Variants in CDK5RAP2 observed in about 807,000 individuals in gnomAD.
CDK5RAP2 encodes the protein CDK5 regulatory subunit-associated protein 2.
In CDK5RAP2, 147 loss-of-function variants were observed where a neutral mutation model predicts 232.9. The observed-to-expected ratio is 0.63, with a 90% CI of 0.55 to 0.72. CDK5RAP2 has a LOEUF of 0.72. Among genes scored for constraint, CDK5RAP2 ranks in the 30% least tolerant of loss-of-function variants. The pLI, the probability that CDK5RAP2 is intolerant of heterozygous loss-of-function variation, is 0.00. For missense variants in CDK5RAP2, 2,195 were observed against 2,231.5 expected (o/e 0.98, Z 0.33); for synonymous variants, 833 against 833.7 (o/e 1.00, Z 0.01).
intron 36 of CDK5RAP2, among the ~76,000 whole-genome samples, chr9:120,392,464 C>T (rs1399653904): frequency 6.6e-6 from 1 of 152,198 alleles, no homozygotes; most frequent in Non-Finnish European, 1.5e-5. Flanking sequence ...CAGTACTCAA[C>T]CCATCGAAAC....
chr9:120,487,204 G>A, intron 14 of CDK5RAP2, 90 bp downstream of exon 14: 1 of 1,405,698 alleles, frequency 7.1e-7, no homozygotes, highest in Non-Finnish European at 1.0e-6. Flanking sequence ...AGGCATTTGA[G>A]GATCTCTAGA....
chr9:120,430,617 T>G (rs140129089), intron 25 of CDK5RAP2, among the ~76,000 whole-genome samples: 97 of 147,258 alleles, frequency 6.6e-4, no homozygotes, highest in South Asian at 2.0e-3. Context: ...AAACAACAGG[T>G]GCTAGAGAGG....
At chr9:120,414,916 C>CT in intron 28 of CDK5RAP2, 124 bp downstream of exon 28, 1 of 1,201,912 alleles carries the variant, frequency 8.3e-7, no homozygotes, top group South Asian at 1.3e-5. Flanking sequence ...TGGCAGACTT[C>CT]TCCAAGATGG....
intron 15 of CDK5RAP2, among the ~76,000 whole-genome samples, chr9:120,475,072 C>A (rs1328367483): frequency 6.6e-6 from 1 of 152,212 alleles, no homozygotes; most frequent in Non-Finnish European, 1.5e-5. Context: ...AGTATTAGGT[C>A]TTTACACAGT....
intron 12 of CDK5RAP2, among the ~76,000 whole-genome samples, chr9:120,503,728 G>A (rs1019462228): frequency 6.6e-6 from 1 of 152,016 alleles, no homozygotes; most frequent in Non-Finnish European, 1.5e-5. Flanking sequence ...TGCACAATGG[G>A]AGCCCAGCAC....
rs116824113 is a variant in CDK5RAP2, at chr9:120,443,411, C to T, written c.3148+209G>A. Among the ~76,000 whole-genome samples the T allele has an allele frequency of 0.01, 1,595 of 152,312 alleles. 25 individuals carry two copies. Among genetic ancestry groups the T allele is most frequent in the African/African-American group, 0.036 (1,491 of 41,558 alleles). ...ACATGGACGGGTGGGTTCTGACATC[C>T]TACTGTACCTTGACTCTTCTCCTAC... On this transcript the variant is annotated intron_variant, in intron 23 of 37. Coordinates refer to ENST00000349780, the MANE Select transcript of CDK5RAP2 (RefSeq NM_018249.6).
chr9:120,396,061 G>A (rs2032438249), intron 35 of CDK5RAP2, among the ~76,000 whole-genome samples: 1 of 152,222 alleles, frequency 6.6e-6, no homozygotes, highest in African/African-American at 2.4e-5. Flanking sequence ...AAAGGCCCTG[G>A]CCCTACATCA....
intron 4 of CDK5RAP2, among the ~76,000 whole-genome samples, chr9:120,549,596 GAAGATA>G (rs2041976773): frequency 6.6e-6 from 1 of 152,164 alleles, no homozygotes; most frequent in Non-Finnish European, 1.5e-5. Context: ...CCTGTAAGAT[GAAGATA>G]AACTCCACGG....
At chr9:120,424,044 A>G (rs1337613320) in intron 25 of CDK5RAP2, among the ~76,000 whole-genome samples, 1 of 152,204 alleles carries the variant, frequency 6.6e-6, no homozygotes, top group African/African-American at 2.4e-5. Flanking sequence ...GTGACCAGGC[A>G]CCAGGGCCTG....
At chr9:120,568,489 C>A (rs2042728957) in intron 2 of CDK5RAP2, 101 bp from the exon 3 acceptor site, 8 of 846,142 alleles carry the variant, frequency 9.5e-6, no homozygotes, top group Non-Finnish European at 1.5e-5. Context: ...CGAACTGCTT[C>A]CACAGTACAC....
At position 120,573,782 on chromosome 9, in the gene CDK5RAP2, A is replaced by G. The variant is rs60415087; in HGVS notation, c.60-1741T>C. ...AAATGAGAGGTTTTCTTCCTTTTTA[A>G]TGTTATATAATTCTCAATTTCCTCC... On this transcript the variant is annotated intron_variant, in intron 1 of 37. Transcript: ENST00000349780. Among the ~76,000 whole-genome samples the G allele has an allele frequency of 2.2e-4, 34 of 152,328 alleles. No homozygotes were observed. In the East Asian group the frequency reaches 5.6e-3, roughly 25 times the overall value.
intron 5 of CDK5RAP2, among the ~76,000 whole-genome samples, chr9:120,540,131 G>A (rs1370004566): frequency 1.3e-5 from 2 of 152,192 alleles, no homozygotes; most frequent in African/African-American, 2.4e-5. Context: ...CACATGACCG[G>A]CAGTGGTGGG....
At chr9:120,418,088 G>A (rs76162447) in intron 27 of CDK5RAP2, among the ~76,000 whole-genome samples, 5,720 of 152,176 alleles carry the variant, frequency 0.038, 380 homozygotes, top group African/African-American at 0.13. Flanking sequence ...TCTCTCTACC[G>A]AATCATAAAT....
chr9:120,429,885 C>A (rs968950297), intron 25 of CDK5RAP2, among the ~76,000 whole-genome samples: 3 of 152,214 alleles, frequency 2.0e-5, no homozygotes, highest in African/African-American at 7.2e-5. Flanking sequence ...GTAACCAAAA[C>A]AGCATGGTAC....
intron 3 of CDK5RAP2, among the ~76,000 whole-genome samples, chr9:120,564,227 G>C (rs2042562558): frequency 6.6e-6 from 1 of 152,140 alleles, no homozygotes; most frequent in South Asian, 2.1e-4. Flanking sequence ...CAGCACTTTG[G>C]GAGGCCAAGG....
intron 1 of CDK5RAP2, among the ~76,000 whole-genome samples, chr9:120,579,323 A>C (rs935374860): frequency 1.3e-5 from 2 of 151,974 alleles, no homozygotes; most frequent in Admixed American, 6.5e-5. Context: ...CCTCACCCCA[A>C]CTCTGTTGGG....
chr9:120,416,404 G>C (rs991101480), intron 27 of CDK5RAP2, among the ~76,000 whole-genome samples: 5 of 152,186 alleles, frequency 3.3e-5, no homozygotes, highest in African/African-American at 1.2e-4. Flanking sequence ...GAAGGATACT[G>C]CAAGGAAGAC....
At chr9:120,433,462 C>T (rs1452612963) in intron 25 of CDK5RAP2, among the ~76,000 whole-genome samples, 2 of 152,166 alleles carry the variant, frequency 1.3e-5, no homozygotes, top group East Asian at 1.9e-4. Context: ...TATTAGAATG[C>T]TAAGTTTACA....
chr9:120,439,704 G>A lies in CDK5RAP2; in HGVS notation c.3417C>T (p.Cys1139=), dbSNP rs2035786292. ...ACAAAACTGTAATTATGGCCTCACTGCACTGGGAGTGCTTTTGAAGCTGAA... is the reference window on the plus strand; with the variant it reads ...ACAAAACTGTAATTATGGCCTCACTACACTGGGAGTGCTTTTGAAGCTGAA... ...FIFQLQKHSQ[C]SEAIITVLCG... is the part of the protein sequence containing the mutation. The change falls in exon 24 of 38, where the codon TGC becomes TGT. Residue 1139 remains cysteine, a synonymous_variant. Transcript: ENST00000349780. 6.2e-7 allele frequency: 1 copy of A among 1,614,232 alleles called. No homozygotes were observed. The highest frequency in any genetic ancestry group is 8.5e-7 in the Non-Finnish European group (1 of 1,180,042).
Sources: allele counts gnomAD v4.1 joint callset (sites outside exome capture counted in the v4.1 genomes callset), GRCh38; gene constraint gnomAD v4.1.1; transcripts MANE v1.5; gene names NCBI Gene and HGNC (gene_info 2026-07-23, HGNC 2026-07-21).